Variants in ADGRD1 observed in about 807,000 individuals in gnomAD.
ADGRD1 encodes adhesion G protein-coupled receptor D1.
Under a neutral mutation model 113.4 loss-of-function variants are expected in ADGRD1, and 77 were observed. The ratio of observed to expected loss-of-function variants is 0.68; its 90% CI spans 0.57 to 0.82. The LOEUF (loss-of-function observed/expected upper bound fraction) is 0.82, where lower values mean the gene tolerates loss of function less well. Among genes scored for constraint, ADGRD1 ranks in the 40% least tolerant of loss-of-function variants. ADGRD1 has a pLI of 0.00. For synonymous variants in ADGRD1, 474 were observed against 475.0 expected, an observed-to-expected ratio of 1.00 and a Z score of 0.03; for missense variants, 1,036 against 1,139.1, an observed-to-expected ratio of 0.91 and a Z score of 1.30.
chr12:130,996,856 G>A (rs1255828915), intron 8 of ADGRD1, among the ~76,000 whole-genome samples: 8 of 120,360 alleles, frequency 6.6e-5, no homozygotes, highest in East Asian at 2.6e-4. Context: ...CCTCCCTCCC[G>A]GACGGGGTGG....
At position 130,987,088 on chromosome 12, in the gene ADGRD1, T is replaced by C. The variant is rs1255792082; in HGVS notation, c.491-7T>C. ...TACTCAGAATGGCGATCTTCACTCT[T>C]TTCCAGGCCCCTATTGGACTCATGT... On this transcript the variant is annotated splice_polypyrimidine_tract_variant and splice_region_variant and intron_variant, in intron 5 of 24. Coordinates refer to ENST00000261654, the MANE Select transcript of ADGRD1 (RefSeq NM_198827.5). 3 of 1,613,412 alleles carry C rather than the reference T, an allele frequency of 1.9e-6. No individual in the cohort carries two copies. The highest frequency in any genetic ancestry group is 2.5e-6 in the Non-Finnish European group (3 of 1,179,476).
chr12:131,131,566 C>T (rs543222003), intron 20 of ADGRD1, among the ~76,000 whole-genome samples, 159 bp from the exon 21 acceptor site: 9 of 152,322 alleles, frequency 5.9e-5, no homozygotes, highest in African/African-American at 2.2e-4. Context: ...GGTAAAAGCC[C>T]ACGGAACAGG....
intron 18 of ADGRD1, among the ~76,000 whole-genome samples, chr12:131,118,138 A>G (rs186724458): frequency 1.4e-4 from 21 of 152,336 alleles, no homozygotes; most frequent in Admixed American, 1.2e-3. Context: ...AGACTCATAC[A>G]CTTTGTTGTC....
chr12:131,136,124 G>A lies in ADGRD1; in HGVS notation c.2355G>A (p.Val785=). 6.2e-7 allele frequency: 1 copy of A among 1,614,198 alleles called. No individual in the cohort carries two copies. Among genetic ancestry groups the A allele is most frequent in the South Asian group, 1.1e-5 (1 of 91,084 alleles). Residue 785 remains valine, a synonymous_variant, in exon 22 of 25, where the codon GTG becomes GTA. Coordinates refer to ENST00000261654, the MANE Select transcript of ADGRD1 (RefSeq NM_198827.5). ...FGVLAVNGCA[V]VFQYMFATLN... ...TGCTTGCTGTCAACGGTTGTGCTGT[G>A]GTTTTCCAGTACATGTTTGCCACGC...
Position 131,084,582 on chromosome 12 carries a change from G to A in ADGRD1, c.1590G>A (p.Thr530=), listed in dbSNP as rs1438137558. The A allele has an allele frequency of 4.3e-6, 7 of 1,613,922 alleles. No homozygotes were observed. The highest frequency in any genetic ancestry group is 1.3e-5 in the African/African-American group (1 of 74,890). ...GGTCGAACCACGGCTGTGCGCTCACGAGAGGAAACCTCACCTACTCCGTCT... is the reference window on the plus strand; with the variant it reads ...GGTCGAACCACGGCTGTGCGCTCACAAGAGGAAACCTCACCTACTCCGTCT... ...GVWSNHGCAL[T]RGNLTYSVCR... is the part of the protein sequence containing the mutation. The change falls in exon 15 of 25, where the codon ACG becomes ACA. Residue 530 remains threonine (T), a synonymous_variant. Coordinates refer to ENST00000261654, the MANE Select transcript of ADGRD1 (RefSeq NM_198827.5). This position sits in a 1 kb window ranked among gnomAD's most constrained non-coding sequence, Gnocchi z 4.5.
rs1041663913 is a variant in ADGRD1, at chr12:131,050,780, G to A, written c.1474-26021G>A. ...TGGGGGATGGATTCGGGATGAAACT[G>A]TTCCCCCTCAGATCATCAGGCACTA... On this transcript the variant is annotated intron_variant, in intron 13 of 24. Coordinates refer to ENST00000261654, the MANE Select transcript of ADGRD1 (RefSeq NM_198827.5). The surrounding 1 kb of genome is among the most constrained non-coding windows in gnomAD (Gnocchi z 4.8). Among the ~76,000 whole-genome samples, 3 of 152,252 alleles carry A rather than the reference G, an allele frequency of 2.0e-5. No homozygotes were observed. The highest frequency in any genetic ancestry group is 3.4e-3 in the Middle Eastern group (1 of 294).
intron 13 of ADGRD1, among the ~76,000 whole-genome samples, chr12:131,015,262 G>C (rs916775927): frequency 2.7e-4 from 41 of 152,264 alleles, no homozygotes; most frequent in African/African-American, 9.4e-4. Context: ...AGCTGGGGCA[G>C]TCAAGAGATG....
At chr12:131,136,714 G>C (rs1365727759) in intron 22 of ADGRD1, among the ~76,000 whole-genome samples, 1 of 152,250 alleles carries the variant, frequency 6.6e-6, no homozygotes, top group African/African-American at 2.4e-5. Context: ...CGCTGAGCCT[G>C]CCTGGGAACC....
chr12:130,972,376 G>A (rs1379131658), intron 4 of ADGRD1, among the ~76,000 whole-genome samples: 1 of 152,140 alleles, frequency 6.6e-6, no homozygotes, highest in African/African-American at 2.4e-5. Flanking sequence ...GACATCAGAT[G>A]GCCTTCTGTG....
chr12:131,046,728 A>G (rs1882850260), intron 13 of ADGRD1, among the ~76,000 whole-genome samples: 1 of 132,746 alleles, frequency 7.5e-6, no homozygotes, highest in Admixed American at 7.6e-5. Context: ...CTCCCTGGTC[A>G]GTGCCCCCTC....
At chr12:131,056,309 G>A (rs1883855910) in intron 13 of ADGRD1, among the ~76,000 whole-genome samples, 1 of 152,174 alleles carries the variant, frequency 6.6e-6, no homozygotes. Flanking sequence ...ATCCCAAGTT[G>A]CGGCATTGGA....
intron 15 of ADGRD1, among the ~76,000 whole-genome samples, chr12:131,101,377 C>CTTTTTTTTTTTTTTTTTTTTTTTT (rs71095334): frequency 8.3e-5 from 3 of 36,132 alleles, no homozygotes; most frequent in Non-Finnish European, 1.5e-4. Flanking sequence ...TTCTTTCTTT[C>CTTTTTTTTTTTTTTTTTTTTTTTT]TTTTTTTTTT....
rs1281499282 is a variant in ADGRD1 at position 131,050,066 on chromosome 12, G to A, written c.1474-26735G>A. Among the ~76,000 whole-genome samples the A allele has an allele frequency of 6.6e-6, 1 of 152,150 alleles. No individual in the cohort carries two copies. Among genetic ancestry groups the A allele is most frequent in the Admixed American group, 6.5e-5 (1 of 15,286 alleles). On this transcript the variant is annotated intron_variant, in intron 13 of 24. Transcript: ENST00000261654. The surrounding 1 kb of genome is among the most constrained non-coding windows in gnomAD (Gnocchi z 4.8). ...CGAATGCTTCTCTTGCATAGTGCTT[G>A]GCACATAGATTGGATACACGGGGGT...
chr12:130,969,248 C>T lies in ADGRD1; in HGVS notation c.188-2210C>T, dbSNP rs115053375. On this transcript the variant is annotated intron_variant, in intron 3 of 24. Coordinates refer to ENST00000261654, the MANE Select transcript of ADGRD1 (RefSeq NM_198827.5). Reference sequence around the variant, plus strand: ...TAAAAAATAACCACTAGGGTTAAGTCTAAAGGAAGATTGCAATACATTAGA... The same window carrying T: ...TAAAAAATAACCACTAGGGTTAAGTTTAAAGGAAGATTGCAATACATTAGA... 2.9e-3 allele frequency: 1,696 copies of T among 590,736 alleles called. 30 individuals carry two copies. The African/African-American group carries it at 0.029, about 10-fold the overall frequency. 36.6% of individuals were successfully genotyped at this position (590,736 alleles called of 1,614,324 possible).
At chr12:130,986,912 C>T (rs1162377238) in intron 5 of ADGRD1, 183 bp from the exon 6 acceptor site, 1 of 590,386 alleles carries the variant, frequency 1.7e-6, no homozygotes, top group Non-Finnish European at 3.0e-6. Context: ...AAGATAACAT[C>T]CTTCCTGTGC....
intron 13 of ADGRD1, among the ~76,000 whole-genome samples, chr12:131,044,428 G>A (rs1882468456): frequency 6.6e-6 from 1 of 152,206 alleles, no homozygotes. Context: ...GGGGGCTGAG[G>A]GGACCGGTCC....
At chr12:131,076,335 A>G (rs1405535384) in intron 13 of ADGRD1, among the ~76,000 whole-genome samples, 1 of 152,188 alleles carries the variant, frequency 6.6e-6, no homozygotes, top group East Asian at 1.9e-4. Flanking sequence ...GATCAAGACT[A>G]TGAAAACATC....
intron 12 of ADGRD1, among the ~76,000 whole-genome samples, chr12:131,011,703 T>C (rs1877916446): frequency 6.6e-6 from 1 of 152,264 alleles, no homozygotes; most frequent in South Asian, 2.1e-4. Flanking sequence ...TGCGACTTTC[T>C]GTTCTGGCTA....
At chr12:130,975,089 C>T (rs1220028934) in intron 4 of ADGRD1, among the ~76,000 whole-genome samples, 3 of 152,088 alleles carry the variant, frequency 2.0e-5, no homozygotes, top group African/African-American at 7.2e-5. Context: ...CTTTCAACTC[C>T]CCTGACCAGT....
Sources: allele counts gnomAD v4.1 joint callset (sites outside exome capture counted in the v4.1 genomes callset), GRCh38; gene constraint gnomAD v4.1.1; non-coding constraint Gnocchi (gnomAD v3.1); transcripts MANE v1.5; gene names NCBI Gene and HGNC (gene_info 2026-07-23, HGNC 2026-07-21).